ANTXR2: variants seen among roughly 807,000 people sequenced by gnomAD.
ANTXR2 encodes the protein anthrax toxin receptor 2.
Under a neutral mutation model 73.7 loss-of-function variants are expected in ANTXR2, and 44 were observed. The observed-to-expected ratio is 0.60, with a 90% CI of 0.47 to 0.77. The LOEUF (loss-of-function observed/expected upper bound fraction) is 0.77, where lower values mean the gene tolerates loss of function less well. ANTXR2 is among the 30% of genes least tolerant of loss of function. ANTXR2 has a pLI of 0.00. For missense variants in ANTXR2, 604 were observed against 592.5 expected, an observed-to-expected ratio of 1.02 and a Z score of -0.20; for synonymous variants, 217 against 205.9, an observed-to-expected ratio of 1.05 and a Z score of -0.46.
At chr4:79,915,737 T>C (rs1226386032) in intron 16 of ANTXR2, among the ~76,000 whole-genome samples, 1 of 151,696 alleles carries the variant, frequency 6.6e-6, no homozygotes, top group African/African-American at 2.4e-5. Context: ...GAGTAGAGAT[T>C]TTCTGTAGCA....
At chr4:79,950,739 A>C (rs1208381702) in intron 16 of ANTXR2, among the ~76,000 whole-genome samples, 1 of 152,216 alleles carries the variant, frequency 6.6e-6, no homozygotes, top group African/African-American at 2.4e-5. Context: ...AGTTTGAATG[A>C]TCAAAAAAGC....
chr4:80,065,736 T>A (rs999384141), intron 3 of ANTXR2, among the ~76,000 whole-genome samples: 1 of 152,188 alleles, frequency 6.6e-6, no homozygotes, highest in African/African-American at 2.4e-5. Flanking sequence ...TAATCTTGCC[T>A]CATCTCTACT....
At chr4:79,943,747 T>C (rs550211976) in intron 16 of ANTXR2, among the ~76,000 whole-genome samples, 2 of 150,414 alleles carry the variant, frequency 1.3e-5, no homozygotes, top group Admixed American at 1.3e-4. Flanking sequence ...AAAAAAAAAA[T>C]AAATAAAAAA....
intron 10 of ANTXR2, among the ~76,000 whole-genome samples, chr4:80,019,693 T>C (rs1171908254): frequency 6.6e-6 from 1 of 152,042 alleles, no homozygotes. Flanking sequence ...AAAGTGAATA[T>C]GAAAGACAGC....
intron 16 of ANTXR2, among the ~76,000 whole-genome samples, chr4:79,937,722 A>T (rs536011631): frequency 1.3e-5 from 2 of 152,286 alleles, no homozygotes; most frequent in South Asian, 4.1e-4. Flanking sequence ...CTAAGAGAGG[A>T]GCCAAGATGG....
rs1726690183 is a variant in ANTXR2 at position 79,901,242 on chromosome 4, A to G, written c.*6187T>C. On this transcript the variant is annotated 3_prime_UTR_variant, in exon 17 of 17. Transcript: ENST00000403729. ...TTCAACTAGTAAAAATTCTATTTACAGGTGTCATCTGCTAGAACTAGTCAA... is the reference window on the plus strand; with the variant it reads ...TTCAACTAGTAAAAATTCTATTTACGGGTGTCATCTGCTAGAACTAGTCAA... The G allele has an allele frequency of 6.6e-6, 1 of 152,186 alleles. No homozygotes were observed. Among genetic ancestry groups the G allele is most frequent in the Non-Finnish European group, 1.5e-5 (1 of 68,036 alleles). 9.4% of individuals were successfully genotyped at this position (152,186 alleles called of 1,614,324 possible).
Position 79,903,568 on chromosome 4 carries a change from A to C in ANTXR2, c.*3861T>G, listed in dbSNP as rs1468782051. The C allele has an allele frequency of 6.6e-6, 1 of 152,150 alleles. No homozygotes were observed. The highest frequency in any genetic ancestry group is 1.5e-5 in the Non-Finnish European group (1 of 68,028). The allele number at this position is 152,150 out of a possible 1,614,324, so 9.4% of individuals were successfully genotyped here. A position where few individuals can be genotyped will look rare whatever the true frequency, so the allele number is the denominator to read the frequency against. ...TATGGATTTTCAAAAACAACAACAA[A>C]AAAGTCTTTCTTTTATCCGATCGAC... is the stretch of plus-strand genomic sequence containing the variant. On this transcript the variant is annotated 3_prime_UTR_variant, in exon 17 of 17. Coordinates refer to ENST00000403729, the MANE Select transcript of ANTXR2 (RefSeq NM_058172.6).
intron 8 of ANTXR2, among the ~76,000 whole-genome samples, 180 bp downstream of exon 8, chr4:80,035,792 T>C (rs1019585128): frequency 3.3e-5 from 5 of 152,128 alleles, no homozygotes; most frequent in African/African-American, 1.2e-4. Context: ...CATTCCAATC[T>C]TAAAAATTTG....
In ANTXR2 at chr4:79,947,920, TG is replaced by T. The variant is rs543309572; in HGVS notation, c.1428+29700del. On this transcript the variant is annotated intron_variant, in intron 16 of 16. Transcript: ENST00000403729. The stretch of plus-strand genomic sequence containing the variant: ...AAAATTATACTTTATCCAGAAGGTA[TG>T]TATTTGAGAAATTAATTTTAGCTTC... Among the ~76,000 whole-genome samples the T allele has an allele frequency of 1.8e-4, 27 of 152,268 alleles. No individual in the cohort carries two copies. The South Asian group carries it at 5.4e-3, about 30-fold the overall frequency.
rs1002599381 is a variant in ANTXR2, at chr4:79,902,674, TTAAC to T, written c.*4751_*4754del. On this transcript the variant is annotated 3_prime_UTR_variant, in exon 17 of 17. Transcript: ENST00000403729. ...CTTTGACAAATTTAATTATAAGAAA[TTAAC>T]TAAGAAATTATTATGGCTAATTATC... 7.9e-5 allele frequency: 12 copies of T among 152,098 alleles called. No homozygotes were observed. Among genetic ancestry groups the T allele is most frequent in the African/African-American group, 2.7e-4 (11 of 41,420 alleles). 9.4% of individuals were successfully genotyped at this position (152,098 alleles called of 1,614,324 possible).
chr4:80,052,534 C>T (rs371082615), intron 7 of ANTXR2, among the ~76,000 whole-genome samples: 4 of 151,584 alleles, frequency 2.6e-5, no homozygotes, highest in African/African-American at 9.7e-5. Flanking sequence ...CCAGATACTA[C>T]GATGTTTCCC....
chr4:79,909,645 C>CAA lies in ANTXR2; in HGVS notation c.1429-2180_1429-2179dup, dbSNP rs987166490. ...GCCAAATGTCTCTAGATATAAGCAC[C>CAA]AAAAAAAAAAAAATAAAGAAAAACC... On this transcript the variant is annotated intron_variant, in intron 16 of 16. Transcript: ENST00000403729. Among the ~76,000 whole-genome samples the CAA allele has an allele frequency of 9.2e-3, 1,330 of 144,352 alleles. 18 individuals carry two copies. The highest frequency in any genetic ancestry group is 0.032 in the African/African-American group (1,244 of 38,950). The allele number at this position is 144,352 out of a possible 152,430, so 94.7% of individuals were successfully genotyped here.
intron 16 of ANTXR2, among the ~76,000 whole-genome samples, chr4:79,976,199 A>G (rs551396038): frequency 5.9e-4 from 90 of 152,164 alleles, no homozygotes; most frequent in African/African-American, 2.1e-3. Flanking sequence ...GGCGTGAGCC[A>G]CCGCGCCCGG....
At chr4:79,912,593 T>C (rs1668570395) in intron 16 of ANTXR2, among the ~76,000 whole-genome samples, 1 of 152,078 alleles carries the variant, frequency 6.6e-6, no homozygotes, top group South Asian at 2.1e-4. Flanking sequence ...GTTAAAATTG[T>C]CAAAAACTAT....
At chr4:79,923,913 A>G (rs1727685103) in intron 16 of ANTXR2, among the ~76,000 whole-genome samples, 1 of 152,198 alleles carries the variant, frequency 6.6e-6, no homozygotes, top group Non-Finnish European at 1.5e-5. Flanking sequence ...ATCCTTCTGT[A>G]TTTATGAATT....
At chr4:79,998,312 C>T (rs1730833011) in intron 12 of ANTXR2, among the ~76,000 whole-genome samples, 1 of 151,938 alleles carries the variant, frequency 6.6e-6, no homozygotes, top group African/African-American at 2.4e-5. Context: ...AATGAATTTG[C>T]AATTTTCCCT....
intron 16 of ANTXR2, among the ~76,000 whole-genome samples, chr4:79,918,795 A>T (rs921258976): frequency 1.3e-5 from 2 of 152,084 alleles, no homozygotes; most frequent in African/African-American, 4.8e-5. Flanking sequence ...CAAGTAATAT[A>T]AATAAAGAAA....
chr4:80,020,723 G>A (rs1413113790), intron 10 of ANTXR2, among the ~76,000 whole-genome samples: 2 of 151,974 alleles, frequency 1.3e-5, no homozygotes, highest in East Asian at 3.9e-4. Context: ...TTCTCAATGT[G>A]CTATTTGGTT....
intron 11 of ANTXR2, among the ~76,000 whole-genome samples, chr4:80,010,387 T>C (rs1345189014): frequency 6.6e-6 from 1 of 152,226 alleles, no homozygotes; most frequent in Admixed American, 6.5e-5. Flanking sequence ...TATGGTCTTA[T>C]GTAAGACAGC....
Sources: gnomAD v4.1 joint callset for allele counts (sites outside exome capture counted in the v4.1 genomes callset) on GRCh38, gnomAD v4.1.1 for gene constraint, MANE v1.5 for transcripts, NCBI Gene and HGNC (gene_info 2026-07-23, HGNC 2026-07-21) for gene names.